Variants in NLGN1 observed in about 807,000 individuals in gnomAD.
NLGN1 encodes neuroligin 1, also known as neuroligin-1.
Under a neutral mutation model 65.5 loss-of-function variants are expected in NLGN1, and 12 were observed. The observed-to-expected ratio is 0.18, with a 90% CI of 0.12 to 0.30. The LOEUF (loss-of-function observed/expected upper bound fraction) is 0.30. Ranked by LOEUF, NLGN1 falls within the 10% of genes least tolerant of loss-of-function variation. NLGN1 has a pLI of 1.00. For missense variants in NLGN1, 750 were observed against 1,007.1 expected, an observed-to-expected ratio of 0.74 and a Z score of 3.46; for synonymous variants, 350 against 359.5, an observed-to-expected ratio of 0.97 and a Z score of 0.30.
At chr3:173,470,218 A>G (rs1204354266) in intron 2 of NLGN1, among the ~76,000 whole-genome samples, 2 of 152,078 alleles carry the variant, frequency 1.3e-5, no homozygotes, top group African/African-American at 4.8e-5. Flanking sequence ...AAGGGCATTC[A>G]GTGTGCACCA....
At chr3:173,969,888 T>C (rs1715794461) in intron 4 of NLGN1, among the ~76,000 whole-genome samples, 1 of 151,990 alleles carries the variant, frequency 6.6e-6, no homozygotes, top group Admixed American at 6.6e-5. Flanking sequence ...ATTGCAGATT[T>C]CTGCATGGAG....
intron 4 of NLGN1, among the ~76,000 whole-genome samples, chr3:174,247,791 C>T (rs981024071): frequency 5.9e-5 from 9 of 152,196 alleles, no homozygotes; most frequent in East Asian, 1.9e-4. Flanking sequence ...AAAGACCAGA[C>T]GTTTTCAGGC....
intron 2 of NLGN1, among the ~76,000 whole-genome samples, chr3:173,531,903 C>G (rs958844621): frequency 2.0e-5 from 3 of 152,134 alleles, no homozygotes; most frequent in African/African-American, 7.2e-5. Context: ...CACAGACCCA[C>G]AAATGGCTGT....
chr3:174,102,870 G>T (rs1489368663), intron 4 of NLGN1, among the ~76,000 whole-genome samples: 1 of 152,124 alleles, frequency 6.6e-6, no homozygotes, highest in Non-Finnish European at 1.5e-5. Flanking sequence ...TGCCTTCATT[G>T]CTACGTCTAC....
chr3:173,649,927 C>A (rs1170322396), intron 3 of NLGN1, among the ~76,000 whole-genome samples: 1 of 151,936 alleles, frequency 6.6e-6, no homozygotes, highest in Non-Finnish European at 1.5e-5. Context: ...TCAAATATTT[C>A]TCCCATAATA....
intron 2 of NLGN1, among the ~76,000 whole-genome samples, chr3:173,554,811 T>C (rs1327744859): frequency 6.6e-6 from 1 of 152,214 alleles, no homozygotes; most frequent in Non-Finnish European, 1.5e-5. Flanking sequence ...TCTCTCAAAC[T>C]GTTTTTCATA....
At chr3:173,846,947 A>T (rs757718064) in intron 4 of NLGN1, among the ~76,000 whole-genome samples, 19 of 152,338 alleles carry the variant, frequency 1.2e-4, no homozygotes, top group South Asian at 6.2e-4. Context: ...ATGGTAGTAA[A>T]TATCTCCTTG....
At chr3:173,747,059 TAC>T (rs3033827) in intron 3 of NLGN1, among the ~76,000 whole-genome samples, 8,236 of 130,228 alleles carry the variant, frequency 0.063, 466 homozygotes, top group African/African-American at 0.15. Flanking sequence ...AAATTATATA[TAC>T]ACACACACAC....
intron 4 of NLGN1, among the ~76,000 whole-genome samples, chr3:174,237,116 A>C (rs761743856): frequency 3.3e-5 from 5 of 152,104 alleles, no homozygotes; most frequent in Admixed American, 3.3e-4. Context: ...TTTATTGATA[A>C]AGTAGAAAAT....
chr3:174,102,502 C>G (rs1712769056), intron 4 of NLGN1, among the ~76,000 whole-genome samples: 1 of 152,076 alleles, frequency 6.6e-6, no homozygotes. Context: ...ATCAACCTTT[C>G]AAACGCAAAC....
At chr3:173,553,653 G>A (rs573508300) in intron 2 of NLGN1, among the ~76,000 whole-genome samples, 1 of 152,282 alleles carries the variant, frequency 6.6e-6, no homozygotes, top group Admixed American at 6.5e-5. Flanking sequence ...AATAACAAAT[G>A]CCTGTGAATA....
chr3:173,456,927 G>A (rs1357326807), intron 2 of NLGN1, among the ~76,000 whole-genome samples: 1 of 152,084 alleles, frequency 6.6e-6, no homozygotes, highest in Non-Finnish European at 1.5e-5. Context: ...GACAAGAGTT[G>A]TGGTCATAAA....
At chr3:174,294,061 T>C in the NLGN1 span, among the ~76,000 whole-genome samples, 3 of 151,720 alleles carry the variant, frequency 2.0e-5, no homozygotes, top group African/African-American at 7.2e-5. Flanking sequence ...CTAATTGATT[T>C]AAAAAGATGT....
intron 3 of NLGN1, among the ~76,000 whole-genome samples, chr3:173,727,056 T>C (rs1423065466): frequency 6.6e-6 from 1 of 152,104 alleles, no homozygotes; most frequent in African/African-American, 2.4e-5. Context: ...GAAAAACTTT[T>C]AAACATAAGG....
upstream of NLGN1, among the ~76,000 whole-genome samples, chr3:173,396,016 T>C (rs2148583061): frequency 6.6e-6 from 1 of 152,016 alleles, no homozygotes; most frequent in East Asian, 1.9e-4. Flanking sequence ...TGGCAGTGTG[T>C]GTGCGCGCGT....
intron 4 of NLGN1, among the ~76,000 whole-genome samples, chr3:173,839,962 G>T (rs200842477): frequency 6.6e-6 from 1 of 152,148 alleles, no homozygotes; most frequent in African/African-American, 2.4e-5. Context: ...ATATTCATGC[G>T]GCTAGTGTGG....
intron 4 of NLGN1, among the ~76,000 whole-genome samples, chr3:174,002,776 G>A (rs1376256482): frequency 6.6e-6 from 1 of 152,216 alleles, no homozygotes; most frequent in Non-Finnish European, 1.5e-5. Context: ...AAAAGTGGAG[G>A]TAGTAGTAAA....
chr3:173,997,935 G>A (rs987508672), intron 4 of NLGN1, among the ~76,000 whole-genome samples: 13 of 151,842 alleles, frequency 8.6e-5, no homozygotes, highest in Admixed American at 5.9e-4. Flanking sequence ...AATATTATTC[G>A]CATTCAACAA....
At chr3:173,593,321 A>G (rs879372210) in intron 2 of NLGN1, among the ~76,000 whole-genome samples, 3 of 152,208 alleles carry the variant, frequency 2.0e-5, no homozygotes, top group Admixed American at 6.5e-5. Flanking sequence ...ATCATCACCC[A>G]GGTACTAAGA....
Sources: gnomAD v4.1 joint callset for allele counts (sites outside exome capture counted in the v4.1 genomes callset) on GRCh38, gnomAD v4.1.1 for gene constraint, MANE v1.5 for transcripts, NCBI Gene and HGNC (gene_info 2026-07-23, HGNC 2026-07-21) for gene names.